The following HEPH variants were observed in gnomAD, a reference collection of about 807,000 sequenced individuals.
HEPH encodes the protein hephaestin.
Under a neutral mutation model 80.8 loss-of-function variants are expected in HEPH, and 69 were observed. That is an observed-to-expected ratio of 0.85 (90% CI 0.70 to 1.04). The LOEUF is 1.04. HEPH is among the 50% of genes least tolerant of loss of function. The pLI is 0.00. For synonymous variants in HEPH, 431 were observed against 322.8 expected (o/e 1.34, Z -3.60); for missense variants, 1,115 against 891.3 (o/e 1.25, Z -3.20).
rs1482594959 is a variant in HEPH at position 66,184,121 on chromosome X, A to T, written c.626-4238A>T. On this transcript the variant is annotated intron_variant, in intron 4 of 20. Transcript: ENST00000343002. ...TTTGCTGAGGAGAGCTTTACTTCCA[A>T]CTATGTGGTCAATTTTGGAATAGGT... 1.8e-4 allele frequency among the ~76,000 whole-genome samples: 5 copies of T among 28,027 alleles called. No individual in the cohort carries two copies. The South Asian group carries it at 9.1e-3, about 51-fold the overall frequency. The allele number at this position is 28,027 out of a possible 115,157, so 24.3% of individuals were successfully genotyped here.
chrX:66,210,808 C>G (rs1171924500), intron 15 of HEPH, among the ~76,000 whole-genome samples: 1 of 111,249 alleles, frequency 9.0e-6, no homozygotes, highest in East Asian at 2.8e-4. Flanking sequence ...ATGGTGGAAT[C>G]AAGGTTCATA....
intron 20 of HEPH, 62 bp from the exon 21 acceptor site, chrX:66,266,378 G>T (rs2091536013): frequency 1.1e-6 from 1 of 888,839 alleles, no homozygotes; most frequent in Admixed American, 2.4e-5. Context: ...GATGACTATA[G>T]ATAGTTACCT....
At chrX:66,206,843 C>T (rs2088807644) in intron 13 of HEPH, among the ~76,000 whole-genome samples, 1 of 109,113 alleles carries the variant, frequency 9.2e-6, no homozygotes. Flanking sequence ...TGGAGAAACC[C>T]TGTCTCTACT....
Position 66,258,839 on chromosome X carries a change from G to T in HEPH, c.2897-1G>T. On this transcript the variant is annotated splice_acceptor_variant, in intron 17 of 20. Transcript: ENST00000343002. LOFTEE classifies it high-confidence loss of function. ...TCTTTTCTTTTCTTTTTTTTTGACA[G>T]CAATCAATGGGAAACTCTATGCCAA... 8.8e-7 allele frequency: 1 copy of T among 1,132,458 alleles called. No homozygotes were observed. The highest frequency in any genetic ancestry group is 3.3e-5 in the East Asian group (1 of 30,763). 93.3% of individuals were successfully genotyped at this position (1,132,458 alleles called of 1,213,427 possible).
chrX:66,198,367 C>T (rs775931179), intron 10 of HEPH, among the ~76,000 whole-genome samples: 9 of 112,004 alleles, frequency 8.0e-5, no homozygotes, highest in South Asian at 3.7e-4. Flanking sequence ...AATGGGATAA[C>T]GATGGAAGAA....
At chrX:66,168,948 T>C (rs1022553639) in intron 1 of HEPH, among the ~76,000 whole-genome samples, 1 of 111,885 alleles carries the variant, frequency 8.9e-6, no homozygotes, top group Admixed American at 9.6e-5. Flanking sequence ...AATGTATGTG[T>C]TTTTTCATAG....
rs778347810 is a variant in HEPH at position 66,266,520 on chromosome X, G to A, written c.3325G>A (p.Ala1109Thr). Residue 1109 changes from alanine to threonine, a missense_variant, in exon 21 of 21, where the codon GCC (alanine) becomes ACC (threonine). By Grantham distance (58) the Ala-to-Thr change is moderately conservative. Coordinates refer to ENST00000343002, the MANE Select transcript of HEPH (RefSeq NM_001367233.3). ...QIPIKNVEMLASVLVAISVTL... is the reference protein window; with the variant it reads ...QIPIKNVEMLTSVLVAISVTL... The stretch of plus-strand genomic sequence containing the variant: ...CCCCATAAAGAATGTTGAGATGCTG[G>A]CCTCTGTTTTGGTTGCCATTAGTGT... 3.3e-6 allele frequency: 4 copies of A among 1,209,877 alleles called. No individual in the cohort carries two copies. The highest frequency in any genetic ancestry group is 2.2e-6 in the Non-Finnish European group (2 of 894,614).
Position 66,263,777 on chromosome X carries a change from T to C in HEPH, c.3244+89T>C, listed in dbSNP as rs940108585. On this transcript the variant is annotated intron_variant, in intron 20 of 20. Transcript: ENST00000343002. ...AAGTACCTTTAGGGTATGGGACTTATGTGACTGAGAGTTAGAATACATCAG... is the reference window on the plus strand; with the variant it reads ...AAGTACCTTTAGGGTATGGGACTTACGTGACTGAGAGTTAGAATACATCAG... 48 of 871,922 alleles carry C rather than the reference T, an allele frequency of 5.5e-5. No homozygotes were observed. In the South Asian group the frequency reaches 8.9e-4, roughly 16 times the overall value. 71.9% of individuals were successfully genotyped at this position (871,922 alleles called of 1,213,427 possible). A position where few individuals can be genotyped will look rare whatever the true frequency, so the allele number is the denominator to read the frequency against.
At chrX:66,201,477 T>A (rs1424878155) in intron 12 of HEPH, among the ~76,000 whole-genome samples, 1 of 111,732 alleles carries the variant, frequency 8.9e-6, no homozygotes, top group Non-Finnish European at 1.9e-5. Context: ...ATGAAGATAT[T>A]TGACTATAAT....
chrX:66,231,527 T>A (rs1161870688), intron 15 of HEPH, among the ~76,000 whole-genome samples: 1 of 109,774 alleles, frequency 9.1e-6, no homozygotes, highest in Admixed American at 9.8e-5. Context: ...GTATTTTATT[T>A]TCTTTGAAGC....
chrX:66,213,229 C>T (rs747640908), intron 15 of HEPH, among the ~76,000 whole-genome samples: 8 of 107,733 alleles, frequency 7.4e-5, no homozygotes, highest in African/African-American at 2.0e-4. Context: ...GTTCCCCTTC[C>T]TGTGTCCATG....
chrX:66,207,118 T>G (rs1464168844), intron 13 of HEPH, 77 bp from the exon 14 acceptor site: 1 of 1,014,821 alleles, frequency 9.9e-7, no homozygotes, highest in Admixed American at 2.6e-5. Flanking sequence ...GGTTCTGACT[T>G]AGCTTCCCCA....
chrX:66,163,360 C>T (rs1020245421), upstream of HEPH, among the ~76,000 whole-genome samples: 1 of 110,645 alleles, frequency 9.0e-6, no homozygotes, highest in African/African-American at 3.3e-5. Context: ...GTTGGGGGAA[C>T]ATTTTGTTTT....
Position 66,247,270 on chromosome X carries a change from C to T in HEPH, c.2564-7765C>T, listed in dbSNP as rs761061321. ...TTCAGATGTTTTTTCTCCTTTCTCT[C>T]TCCTCCTTCTTTGACTTCCATAATA... On this transcript the variant is annotated intron_variant, in intron 15 of 20. Coordinates refer to ENST00000343002, the MANE Select transcript of HEPH (RefSeq NM_001367233.3). Among the ~76,000 whole-genome samples, 5 of 107,691 alleles carry T rather than the reference C, an allele frequency of 4.6e-5. No individual in the cohort carries two copies. In the Admixed American group the frequency reaches 5.1e-4, roughly 11 times the overall value. 93.5% of individuals were successfully genotyped at this position (107,691 alleles called of 115,157 possible). A position where few individuals can be genotyped will look rare whatever the true frequency, so the allele number is the denominator to read the frequency against.
intron 3 of HEPH, among the ~76,000 whole-genome samples, chrX:66,173,143 C>G (rs1255535412): frequency 8.9e-6 from 1 of 112,424 alleles, no homozygotes; most frequent in Non-Finnish European, 1.9e-5. Context: ...GGACAAGTTA[C>G]TTTTCCTTAG....
Position 66,207,323 on chromosome X carries a change from T to A in HEPH, c.2420T>A (p.Leu807Ter). ...PRPRTGPEEH[L>*]GILGPLIKGE... is the part of the protein sequence containing the mutation. ...CCAAGGACTGGACCAGAAGAACACTTGGGAATCTTGGGTAAGGGAATTCTA... is the reference window on the plus strand; with the variant it reads ...CCAAGGACTGGACCAGAAGAACACTAGGGAATCTTGGGTAAGGGAATTCTA... Residue 807 changes from leucine to a stop codon, truncating the protein, a stop_gained, in exon 14 of 21, where the codon TTG (leucine) becomes TAG (stop). Transcript: ENST00000343002. LOFTEE classifies it high-confidence loss of function. 1 of 1,179,386 alleles carries A rather than the reference T, an allele frequency of 8.5e-7. No individual in the cohort carries two copies. The highest frequency in any genetic ancestry group is 1.1e-6 in the Non-Finnish European group (1 of 877,269).
intron 4 of HEPH, 110 bp from the exon 5 acceptor site, chrX:66,188,249 A>G (rs1347451078): frequency 1.8e-5 from 10 of 544,854 alleles, no homozygotes; most frequent in Non-Finnish European, 2.9e-6. Flanking sequence ...TCTGTTGCTT[A>G]CAGATTCTTA....
intron 5 of HEPH, among the ~76,000 whole-genome samples, chrX:66,189,348 G>A (rs1434212969): frequency 8.9e-6 from 1 of 112,441 alleles, no homozygotes; most frequent in African/African-American, 3.2e-5. Context: ...TGAAAGAATA[G>A]CCTGCAAAAT....
chrX:66,233,163 A>G (rs1438377165), intron 15 of HEPH, among the ~76,000 whole-genome samples: 1 of 112,025 alleles, frequency 8.9e-6, no homozygotes, highest in Non-Finnish European at 1.9e-5. Context: ...AAAACACCAT[A>G]CAAACTGCCT....
Sources: gnomAD v4.1 joint callset for allele counts (sites outside exome capture counted in the v4.1 genomes callset) on GRCh38, gnomAD v4.1.1 for gene constraint, MANE v1.5 for transcripts, NCBI Gene and HGNC (gene_info 2026-07-23, HGNC 2026-07-21) for gene names.